The following HDAC4 variants were observed in gnomAD, a reference collection of about 807,000 sequenced individuals.
HDAC4 encodes the protein histone deacetylase A.
In HDAC4, 16 loss-of-function variants were observed where a neutral mutation model predicts 135.1. The ratio of observed to expected loss-of-function variants is 0.12; its 90% CI spans 0.08 to 0.18. The LOEUF (loss-of-function observed/expected upper bound fraction) is 0.18, where lower values mean the gene tolerates loss of function less well. Ranked by LOEUF, HDAC4 falls within the 10% of genes least tolerant of loss-of-function variation. HDAC4 has a pLI of 1.00. For synonymous variants in HDAC4, 685 were observed against 653.4 expected (o/e 1.05, Z -0.74); for missense variants, 1,143 against 1,511.8 (o/e 0.76, Z 4.05).
chr2:239,111,590 T>G lies in HDAC4; in HGVS notation c.1914A>C (p.Ser638=), dbSNP rs776327511. Residue 638 remains serine (S), a synonymous_variant, in exon 14 of 27, where the codon TCA becomes TCC. Coordinates refer to ENST00000543185, the MANE Select transcript of HDAC4 (RefSeq NM_001378414.1). ...ACACGGGGAAGGTGGCAGACGCGGG[T>G]GAGGACTGCGCCCGGGACAGAGGCC... ...GHRPLSRAQS[S]PASATFPVSV... 1.2e-6 allele frequency: 2 copies of G among 1,611,336 alleles called. No homozygotes were observed. The highest frequency in any genetic ancestry group is 2.7e-5 in the African/African-American group (2 of 74,856).
intron 23 of HDAC4, 183 bp from the exon 24 acceptor site, chr2:239,067,038 G>GT: frequency 1.4e-6 from 1 of 695,734 alleles, no homozygotes; most frequent in South Asian, 1.8e-5. Context: ...TCTTTGATCT[G>GT]TTTGAGAGGA....
At chr2:239,064,153 A>G (rs1312888018) in intron 24 of HDAC4, among the ~76,000 whole-genome samples, 2 of 152,220 alleles carry the variant, frequency 1.3e-5, no homozygotes, top group East Asian at 3.9e-4. Flanking sequence ...TGGCCTGGAA[A>G]AGCTCCCCTT....
At chr2:239,110,719 G>T (rs1402430761) in intron 14 of HDAC4, among the ~76,000 whole-genome samples, 1 of 152,252 alleles carries the variant, frequency 6.6e-6, no homozygotes, top group Non-Finnish European at 1.5e-5. Context: ...TCATTAACAA[G>T]AAATATTAGA....
Position 239,308,413 on chromosome 2 carries a change from G to C in HDAC4, c.22+44265C>G, listed in dbSNP as rs2052713833. Among the ~76,000 whole-genome samples the C allele has an allele frequency of 6.6e-6, 1 of 150,466 alleles. No individual in the cohort carries two copies. Among genetic ancestry groups the C allele is most frequent in the Non-Finnish European group, 1.5e-5 (1 of 67,974 alleles). On this transcript the variant is annotated intron_variant, in intron 2 of 26. Coordinates refer to ENST00000543185, the MANE Select transcript of HDAC4 (RefSeq NM_001378414.1). The surrounding 1 kb of genome is among the most constrained non-coding windows in gnomAD (Gnocchi z 4.2). ...GAGGCTGTAATCAACTTGGGAGTGAGGAGTTCCTTAGCTTCCTGTTTTCAG... is the reference window on the plus strand; with the variant it reads ...GAGGCTGTAATCAACTTGGGAGTGACGAGTTCCTTAGCTTCCTGTTTTCAG...
intron 16 of HDAC4, among the ~76,000 whole-genome samples, chr2:239,101,325 C>T (rs2037608537): frequency 6.6e-6 from 1 of 152,220 alleles, no homozygotes; most frequent in Admixed American, 6.5e-5. Context: ...TCTGTACCTA[C>T]AGGGCATCCA....
chr2:239,328,381 T>G (rs946866587), intron 2 of HDAC4, among the ~76,000 whole-genome samples: 1 of 152,226 alleles, frequency 6.6e-6, no homozygotes, highest in African/African-American at 2.4e-5. Flanking sequence ...TAAGATGAGG[T>G]TTGCTGTGAG....
At chr2:239,318,060 C>T (rs988925607) in intron 2 of HDAC4, among the ~76,000 whole-genome samples, 1 of 152,130 alleles carries the variant, frequency 6.6e-6, no homozygotes, top group Non-Finnish European at 1.5e-5. Context: ...GCCACCACCA[C>T]GACAACAACA....
At chr2:239,184,340 C>T (rs2044357071) in intron 4 of HDAC4, among the ~76,000 whole-genome samples, 1 of 146,036 alleles carries the variant, frequency 6.8e-6, no homozygotes, top group South Asian at 2.2e-4. Context: ...GTGGGGGGGT[C>T]CCTCAGTGTC....
intron 2 of HDAC4, among the ~76,000 whole-genome samples, chr2:239,286,576 C>T (rs2051147931): frequency 6.6e-6 from 1 of 152,178 alleles, no homozygotes; most frequent in Admixed American, 6.5e-5. Flanking sequence ...TTTAAAGGGG[C>T]ACTAGCTGCG....
chr2:239,155,532 GGC>G (rs1303038853), intron 7 of HDAC4: 1 of 152,364 alleles, frequency 6.6e-6, no homozygotes, highest in East Asian at 1.9e-4. Flanking sequence ...GGATGTGGCT[GGC>G]TGATATGGCC....
At chr2:239,286,896 A>C (rs1276688918) in intron 2 of HDAC4, among the ~76,000 whole-genome samples, 3 of 152,226 alleles carry the variant, frequency 2.0e-5, no homozygotes, top group Non-Finnish European at 4.4e-5. Context: ...CAGATCAGAC[A>C]CACATACACA....
At chr2:239,268,544 G>A (rs1458847100) in intron 2 of HDAC4, among the ~76,000 whole-genome samples, 1 of 152,210 alleles carries the variant, frequency 6.6e-6, no homozygotes, top group Admixed American at 6.5e-5. Flanking sequence ...CTTTTACCAA[G>A]CATTTCCACA....
At chr2:239,194,548 A>C (rs2153055576) in intron 3 of HDAC4, among the ~76,000 whole-genome samples, 2 of 152,320 alleles carry the variant, frequency 1.3e-5, no homozygotes, top group Middle Eastern at 6.8e-3. Flanking sequence ...GTCTGCTCTT[A>C]AATTCCACCA....
At chr2:239,084,413 C>CA (rs1352407572) in intron 19 of HDAC4, among the ~76,000 whole-genome samples, 171 bp from the exon 20 acceptor site, 1 of 151,950 alleles carries the variant, frequency 6.6e-6, no homozygotes, top group Non-Finnish European at 1.5e-5. Flanking sequence ...AATCGGTTAA[C>CA]AGACAGACAC....
At chr2:239,120,716 G>C (rs1443035808) in intron 12 of HDAC4, among the ~76,000 whole-genome samples, 1 of 152,034 alleles carries the variant, frequency 6.6e-6, no homozygotes, top group Non-Finnish European at 1.5e-5. Context: ...TGGTGTGCCT[G>C]CCTTTCTTTA....
Position 239,138,302 on chromosome 2 carries a change from C to T in HDAC4, c.978+1382G>A, listed in dbSNP as rs1033395719. Among the ~76,000 whole-genome samples, 28 of 152,288 alleles carry T rather than the reference C, an allele frequency of 1.8e-4. 1 individual carries two copies. The highest frequency in any genetic ancestry group is 6.3e-4 in the African/African-American group (26 of 41,570). On this transcript the variant is annotated intron_variant, in intron 9 of 26. Transcript: ENST00000543185. ...CAGCCTGGAGACAAAGGGCAAAATT[C>T]GTTCTGAGCAGTAATTCTAGTCTCT...
intron 4 of HDAC4, among the ~76,000 whole-genome samples, chr2:239,183,840 C>T (rs184328120): frequency 3.1e-4 from 47 of 152,230 alleles, no homozygotes; most frequent in African/African-American, 1.0e-3. Flanking sequence ...GGCAACATCT[C>T]TTCACCTTCC....
intron 1 of HDAC4, among the ~76,000 whole-genome samples, chr2:239,357,007 C>T (rs1290922897): frequency 2.0e-5 from 3 of 152,216 alleles, no homozygotes; most frequent in South Asian, 4.1e-4. Context: ...GACCTGACCA[C>T]TACCACCCAA....
At position 239,184,706 on chromosome 2, in the gene HDAC4, T is replaced by C. The variant is rs1436414670; in HGVS notation, c.339+5127A>G. ...CTCAGTGTCTGTCCCGGAGGATGTG[T>C]CCTATGGGGGGGTCCCTCAGTGTCT... On this transcript the variant is annotated intron_variant, in intron 4 of 26. Coordinates refer to ENST00000543185, the MANE Select transcript of HDAC4 (RefSeq NM_001378414.1). Among the ~76,000 whole-genome samples, 2 of 94,604 alleles carry C rather than the reference T, an allele frequency of 2.1e-5. 1 individual carries two copies. Among genetic ancestry groups the C allele is most frequent in the Non-Finnish European group, 4.2e-5 (2 of 48,072 alleles). The allele number at this position is 94,604 out of a possible 152,430, so 62.1% of individuals were successfully genotyped here.
Sources: gnomAD v4.1 joint callset for allele counts (sites outside exome capture counted in the v4.1 genomes callset) on GRCh38, gnomAD v4.1.1 for gene constraint, Gnocchi (gnomAD v3.1) non-coding constraint, MANE v1.5 for transcripts, NCBI Gene and HGNC (gene_info 2026-07-23, HGNC 2026-07-21) for gene names.